KCNIP4: variants seen among roughly 807,000 people sequenced by gnomAD.
The protein encoded by KCNIP4 is Kv channel-interacting protein 4.
KCNIP4 carries 12 observed loss-of-function variants against 34.0 expected under a neutral mutation model. The ratio of observed to expected loss-of-function variants is 0.35; its 90% CI spans 0.23 to 0.57. The LOEUF is 0.57. Ranked by LOEUF, KCNIP4 falls within the 20% of genes least tolerant of loss-of-function variation. The probability of loss-of-function intolerance (pLI) is 0.83; values close to 1 mark genes in which losing one functional copy is unlikely to be tolerated. For synonymous variants in KCNIP4, 124 were observed against 102.2 expected, an observed-to-expected ratio of 1.21 and a Z score of -1.29; for missense variants, 238 against 311.7, an observed-to-expected ratio of 0.76 and a Z score of 1.78.
intron 1 of KCNIP4, among the ~76,000 whole-genome samples, chr4:20,981,642 G>T (rs2149692117): frequency 6.6e-6 from 1 of 152,278 alleles, no homozygotes; most frequent in Admixed American, 6.5e-5. Flanking sequence ...TGCAAAATAA[G>T]AGTTGGCCCA....
intron 3 of KCNIP4, among the ~76,000 whole-genome samples, chr4:20,848,636 T>C (rs974074680): frequency 1.3e-5 from 2 of 152,100 alleles, no homozygotes; most frequent in South Asian, 4.1e-4. Context: ...TTCCAATTTA[T>C]AGCAAATGCA....
intron 3 of KCNIP4, among the ~76,000 whole-genome samples, chr4:20,772,912 G>C (rs1490270927): frequency 6.6e-6 from 1 of 151,930 alleles, no homozygotes; most frequent in Non-Finnish European, 1.5e-5. Context: ...GGCATTACAG[G>C]CGTCAGCCAC....
At chr4:21,775,369 C>A (rs980581045) in intron 1 of KCNIP4, among the ~76,000 whole-genome samples, 4 of 152,152 alleles carry the variant, frequency 2.6e-5, no homozygotes, top group African/African-American at 7.2e-5. Context: ...TCGAGGGCCA[C>A]CAACCTGATG....
intron 1 of KCNIP4, among the ~76,000 whole-genome samples, chr4:21,211,353 C>T (rs1260149932): frequency 6.6e-6 from 1 of 152,138 alleles, no homozygotes; most frequent in Non-Finnish European, 1.5e-5. Context: ...CTGTTAGGAA[C>T]TGGGATGCAC....
chr4:20,984,008 T>G lies in KCNIP4; in HGVS notation c.62-101299A>C, dbSNP rs192914658. ...TTACAGAATCGTAGCAACGTCAGGCTTGGAACAAAGACTTGCAAGGGGAAA... is the reference window on the plus strand; with the variant it reads ...TTACAGAATCGTAGCAACGTCAGGCGTGGAACAAAGACTTGCAAGGGGAAA... On this transcript the variant is annotated intron_variant, in intron 1 of 8. Coordinates refer to ENST00000382152, the MANE Select transcript of KCNIP4 (RefSeq NM_025221.6). The G allele has an allele frequency of 3.7e-4, 552 of 1,510,848 alleles. 1 individual carries two copies. The African/African-American group carries it at 7.0e-3, about 19-fold the overall frequency. 93.6% of individuals were successfully genotyped at this position (1,510,848 alleles called of 1,614,324 possible). A position where few individuals can be genotyped will look rare whatever the true frequency, so the allele number is the denominator to read the frequency against.
chr4:20,730,203 A>ATTGCCTCCTCCCATCAACC, intron 8 of KCNIP4, 74 bp from the exon 9 acceptor site: 1 of 1,499,864 alleles, frequency 6.7e-7, no homozygotes, highest in Non-Finnish European at 8.9e-7. Context: ...GCCCCTGAGT[A>ATTGCCTCCTCCCATCAACC]TTGCCTCCTC....
At chr4:21,296,590 G>A (rs899799510) in intron 1 of KCNIP4, among the ~76,000 whole-genome samples, 2 of 151,742 alleles carry the variant, frequency 1.3e-5, no homozygotes, top group South Asian at 4.2e-4. Flanking sequence ...CTGAAGTACT[G>A]AGGGTTGGAG....
At chr4:20,897,450 C>G (rs1430839622) in intron 1 of KCNIP4, among the ~76,000 whole-genome samples, 2 of 152,166 alleles carry the variant, frequency 1.3e-5, no homozygotes, top group African/African-American at 4.8e-5. Context: ...ACTTCCTATT[C>G]TCTTTCAATT....
intron 1 of KCNIP4, among the ~76,000 whole-genome samples, chr4:21,815,253 A>G (rs1721922671): frequency 6.6e-6 from 1 of 152,188 alleles, no homozygotes; most frequent in Non-Finnish European, 1.5e-5. Context: ...AAAGGGGATA[A>G]AAATTGTCTT....
chr4:21,060,147 C>T (rs1743786993), intron 1 of KCNIP4, among the ~76,000 whole-genome samples: 1 of 151,980 alleles, frequency 6.6e-6, no homozygotes, highest in South Asian at 2.1e-4. Flanking sequence ...ATTAGAGGTA[C>T]CTGCTTAAAC....
intron 5 of KCNIP4, 46 bp downstream of exon 5, chr4:20,749,616 C>G: frequency 7.4e-7 from 1 of 1,349,056 alleles, no homozygotes; most frequent in Non-Finnish European, 1.0e-6. Flanking sequence ...CCTAAAAAGA[C>G]TAAACTCTAA....
chr4:21,797,190 C>T (rs761894651), intron 1 of KCNIP4, among the ~76,000 whole-genome samples: 8 of 152,170 alleles, frequency 5.3e-5, no homozygotes, highest in South Asian at 2.1e-4. Flanking sequence ...CTCTGTCACT[C>T]AGACTAAAGT....
chr4:21,436,396 T>G (rs1003403073), intron 1 of KCNIP4, among the ~76,000 whole-genome samples: 1 of 152,176 alleles, frequency 6.6e-6, no homozygotes, highest in Non-Finnish European at 1.5e-5. Flanking sequence ...TCTTTACTCT[T>G]TTTTTGGATA....
chr4:21,431,969 T>C (rs1726494589), intron 1 of KCNIP4, among the ~76,000 whole-genome samples: 2 of 150,264 alleles, frequency 1.3e-5, no homozygotes, highest in African/African-American at 4.9e-5. Context: ...TAGTTACTGA[T>C]CAATAATAAT....
chr4:21,574,414 GT>G (rs1740587924), intron 1 of KCNIP4, among the ~76,000 whole-genome samples: 1 of 151,834 alleles, frequency 6.6e-6, no homozygotes, highest in Admixed American at 6.6e-5. Flanking sequence ...ATTTATTGAG[GT>G]TTTTGTGGCC....
chr4:20,747,199 T>C (rs1752572550), intron 5 of KCNIP4, among the ~76,000 whole-genome samples: 2 of 152,160 alleles, frequency 1.3e-5, no homozygotes, highest in East Asian at 1.9e-4. Flanking sequence ...ATTAACACCA[T>C]ACTAAATTTA....
chr4:21,593,664 T>G (rs1163628962), intron 1 of KCNIP4, among the ~76,000 whole-genome samples: 1 of 152,124 alleles, frequency 6.6e-6, no homozygotes, highest in African/African-American at 2.4e-5. Flanking sequence ...TGGAGCCAGC[T>G]GGTGAGAATT....
chr4:21,565,098 C>T (rs1022213755), intron 1 of KCNIP4, among the ~76,000 whole-genome samples: 13 of 152,242 alleles, frequency 8.5e-5, no homozygotes, highest in African/African-American at 3.1e-4. Context: ...AGATAAAAAT[C>T]CTGTGTTAAT....
At chr4:21,366,901 T>C (rs1719830152) in intron 1 of KCNIP4, among the ~76,000 whole-genome samples, 1 of 152,122 alleles carries the variant, frequency 6.6e-6, no homozygotes, top group South Asian at 2.1e-4. Flanking sequence ...CTAAAACTTA[T>C]ATGTTGAAGT....
Sources: allele counts gnomAD v4.1 joint callset (sites outside exome capture counted in the v4.1 genomes callset), GRCh38; gene constraint gnomAD v4.1.1; transcripts MANE v1.5; gene names NCBI Gene and HGNC (gene_info 2026-07-23, HGNC 2026-07-21).